TAF4B: variants seen among roughly 807,000 people sequenced by gnomAD.
TAF4B encodes TATA-box binding protein associated factor 4b, also known as transcription initiation factor TFIID subunit 4B.
Under a neutral mutation model 86.4 loss-of-function variants are expected in TAF4B, and 38 were observed. The observed-to-expected ratio is 0.44, with a 90% CI of 0.34 to 0.58. The LOEUF (loss-of-function observed/expected upper bound fraction) is 0.58, where lower values mean the gene tolerates loss of function less well. TAF4B is among the 20% of genes least tolerant of loss of function. The pLI is 0.02. For synonymous variants in TAF4B, 388 were observed against 391.2 expected (o/e 0.99, Z 0.10); for missense variants, 988 against 1,027.6 (o/e 0.96, Z 0.53).
chr18:26,259,271 T>A (rs1461845067), intron 1 of TAF4B, among the ~76,000 whole-genome samples: 2 of 151,930 alleles, frequency 1.3e-5, no homozygotes, highest in African/African-American at 4.8e-5. Flanking sequence ...TTTCTGAGAA[T>A]CTGTTTATTT....
intron 10 of TAF4B, among the ~76,000 whole-genome samples, chr18:26,320,820 T>A (rs1443921976): frequency 6.6e-6 from 1 of 152,202 alleles, no homozygotes; most frequent in Non-Finnish European, 1.5e-5. Flanking sequence ...GTCCTATAAA[T>A]GACCTTGCAA....
At chr18:26,276,550 A>G (rs973817948) in intron 5 of TAF4B, among the ~76,000 whole-genome samples, 2 of 152,220 alleles carry the variant, frequency 1.3e-5, no homozygotes, top group African/African-American at 4.8e-5. Context: ...TAGTTTATAA[A>G]TATTAAAATA....
intron 10 of TAF4B, among the ~76,000 whole-genome samples, chr18:26,319,109 G>T (rs980039455): frequency 1.1e-4 from 16 of 152,186 alleles, no homozygotes; most frequent in Admixed American, 9.2e-4. Context: ...TGGGAGGATT[G>T]TTTGAGCCTG....
At position 26,292,235 on chromosome 18, in the gene TAF4B, C is replaced by T; in HGVS notation, c.1591-11C>T. On this transcript the variant is annotated splice_polypyrimidine_tract_variant and intron_variant, in intron 7 of 14. Coordinates refer to ENST00000269142, the MANE Select transcript of TAF4B (RefSeq NM_005640.3). ...GTTGAACAACTATATTGATAGTTCT[C>T]ATTGTTTCAGGTAGTTCAGCAGCCT... 1 of 1,612,008 alleles carries T rather than the reference C, an allele frequency of 6.2e-7. No homozygotes were observed. The highest frequency in any genetic ancestry group is 8.5e-7 in the Non-Finnish European group (1 of 1,179,270).
At chr18:26,387,741 T>A (rs1409242154) in intron 14 of TAF4B, among the ~76,000 whole-genome samples, 2 of 152,200 alleles carry the variant, frequency 1.3e-5, no homozygotes, top group Admixed American at 1.3e-4. Flanking sequence ...TTTTTCCCTC[T>A]TTTAGAACGT....
chr18:26,252,951 GAGGTTTT>G (rs2056028437), intron 1 of TAF4B, among the ~76,000 whole-genome samples: 1 of 152,038 alleles, frequency 6.6e-6, no homozygotes, highest in Non-Finnish European at 1.5e-5. Flanking sequence ...AGCACTGTCT[GAGGTTTT>G]AGGCATCCAC....
rs1568127579 is a variant in TAF4B, at chr18:26,285,223, T to TTTTTTTTTTTTGTTTTTTTTTTTTTG, written c.973-648_973-647insGTTTTTTTTTTTTTGTTTTTTTTTTT. Among the ~76,000 whole-genome samples, 38 of 78,254 alleles carry TTTTTTTTTTTTGTTTTTTTTTTTTTG rather than the reference T, an allele frequency of 4.9e-4. 6 individuals are homozygous for TTTTTTTTTTTTGTTTTTTTTTTTTTG. In the East Asian group the frequency reaches 0.011, roughly 22 times the overall value. 51.3% of individuals were successfully genotyped at this position (78,254 alleles called of 152,430 possible). A position where few individuals can be genotyped will look rare whatever the true frequency, so the allele number is the denominator to read the frequency against. Reference sequence around the variant, plus strand: ...TTTCTTCCTTTCCTTTTTTTTTTTGTTTTTTTTTTTTTTGGAGATGGGGTC... The same window carrying TTTTTTTTTTTTGTTTTTTTTTTTTTG: ...TTTCTTCCTTTCCTTTTTTTTTTTGTTTTTTTTTTTTGTTTTTTTTTTTTTGTTTTTTTTTTTTTGGAGATGGGGTC... On this transcript the variant is annotated intron_variant, in intron 6 of 14. Coordinates refer to ENST00000269142, the MANE Select transcript of TAF4B (RefSeq NM_005640.3).
chr18:26,389,148 A>G (rs1197871692), intron 14 of TAF4B, among the ~76,000 whole-genome samples: 4 of 152,230 alleles, frequency 2.6e-5, no homozygotes, highest in Non-Finnish European at 5.9e-5. Context: ...ACTGAGTCAC[A>G]GCTCAACTTT....
intron 5 of TAF4B, 51 bp from the exon 6 acceptor site, chr18:26,281,919 CT>C: frequency 1.5e-6 from 2 of 1,356,052 alleles, no homozygotes; most frequent in Non-Finnish European, 2.1e-6. Context: ...TACTTTGTCT[CT>C]TTTAAAAGAT....
At chr18:26,355,040 GTTTA>G (rs974798423) in intron 13 of TAF4B, among the ~76,000 whole-genome samples, 10 of 152,004 alleles carry the variant, frequency 6.6e-5, no homozygotes, top group Non-Finnish European at 1.2e-4. Context: ...CTCTCCATTT[GTTTA>G]TTTATTTTTT....
chr18:26,265,194 G>T lies in TAF4B; in HGVS notation c.368G>T (p.Ser123Ile). 1 of 1,612,938 alleles carries T rather than the reference G, an allele frequency of 6.2e-7. No individual in the cohort carries two copies. Among genetic ancestry groups the T allele is most frequent in the Non-Finnish European group, 8.5e-7 (1 of 1,179,794 alleles). Residue 123 changes from serine (S) to isoleucine (I), a missense_variant, in exon 2 of 15, where the codon AGT (serine) becomes ATT (isoleucine). Coordinates refer to ENST00000269142, the MANE Select transcript of TAF4B (RefSeq NM_005640.3). Reference protein sequence around the residue: ...PPGTVLIKSNSGPLMLVSPQQ... With the variant: ...PPGTVLIKSNIGPLMLVSPQQ... ...GGAACCGTTTTGATTAAAAGTAACAGTGGTCCGTTGATGTTGGTATCTCCT... is the reference window on the plus strand; with the variant it reads ...GGAACCGTTTTGATTAAAAGTAACATTGGTCCGTTGATGTTGGTATCTCCT...
intron 13 of TAF4B, among the ~76,000 whole-genome samples, chr18:26,353,944 A>G (rs1598822848): frequency 6.6e-6 from 1 of 152,114 alleles, no homozygotes; most frequent in Non-Finnish European, 1.5e-5. Context: ...ATGTTCTCCT[A>G]TGGTTTTTTC....
Position 26,390,094 on chromosome 18 carries a change from A to T in TAF4B, c.*82A>T, listed in dbSNP as rs73395974. ...ATTGTTGCACTGTCCTGAAATTTCA[A>T]TTTCTGGAAAATAATCACCAACATG... is the stretch of plus-strand genomic sequence containing the variant. On this transcript the variant is annotated 3_prime_UTR_variant, in exon 15 of 15. Transcript: ENST00000269142. 8.2e-4 allele frequency: 1,141 copies of T among 1,386,868 alleles called. 1 individual carries two copies. The highest frequency in any genetic ancestry group is 7.5e-4 in the Non-Finnish European group (772 of 1,030,880). The allele number at this position is 1,386,868 out of a possible 1,614,324, so 85.9% of individuals were successfully genotyped here. A position where few individuals can be genotyped will look rare whatever the true frequency, so the allele number is the denominator to read the frequency against.
intron 13 of TAF4B, chr18:26,348,986 C>A (rs1415997639): frequency 6.6e-6 from 1 of 152,128 alleles, no homozygotes; most frequent in Non-Finnish European, 1.5e-5. Context: ...TTCTTCCAGG[C>A]CTCAAAACTC....
chr18:26,308,948 A>G (rs540209653), intron 9 of TAF4B, among the ~76,000 whole-genome samples: 3 of 151,844 alleles, frequency 2.0e-5, no homozygotes, highest in African/African-American at 4.8e-5. Context: ...GAGCTAGTAC[A>G]TACTTCAGGA....
At chr18:26,317,882 T>C (rs891594626) in intron 10 of TAF4B, among the ~76,000 whole-genome samples, 4 of 152,218 alleles carry the variant, frequency 2.6e-5, no homozygotes, top group Admixed American at 2.6e-4. Flanking sequence ...TGAATGACTT[T>C]TGGGGAGATG....
intron 14 of TAF4B, among the ~76,000 whole-genome samples, chr18:26,386,729 G>A (rs973686434): frequency 4.6e-5 from 7 of 152,090 alleles, no homozygotes; most frequent in East Asian, 1.9e-4. Flanking sequence ...TTACCCAGTC[G>A]TTATTGCTGT....
chr18:26,254,797 T>C lies in TAF4B; in HGVS notation c.344-10373T>C, dbSNP rs1004701679. ...TATAAATTAAAATCTTTATCAAATATTAATATGAAGGGAGGCACAGGATGC... is the reference window on the plus strand; with the variant it reads ...TATAAATTAAAATCTTTATCAAATACTAATATGAAGGGAGGCACAGGATGC... On this transcript the variant is annotated intron_variant, in intron 1 of 14. Coordinates refer to ENST00000269142, the MANE Select transcript of TAF4B (RefSeq NM_005640.3). 3.2e-4 allele frequency among the ~76,000 whole-genome samples: 48 copies of C among 152,304 alleles called. 2 individuals carry two copies. The highest frequency in any genetic ancestry group is 1.2e-3 in the African/African-American group (48 of 41,570).
intron 13 of TAF4B, among the ~76,000 whole-genome samples, chr18:26,338,991 C>T (rs2057115130): frequency 6.6e-6 from 1 of 152,212 alleles, no homozygotes; most frequent in Non-Finnish European, 1.5e-5. Context: ...CCAGCCTAGT[C>T]TTATTCCATT....
Sources: gnomAD v4.1 joint callset for allele counts (sites outside exome capture counted in the v4.1 genomes callset) on GRCh38, gnomAD v4.1.1 for gene constraint, MANE v1.5 for transcripts, NCBI Gene and HGNC (gene_info 2026-07-23, HGNC 2026-07-21) for gene names.